The following ARHGAP11A variants were observed in gnomAD, a reference collection of about 807,000 sequenced individuals.
ARHGAP11A encodes Rho GTPase activating protein 11A, also known as rho GTPase-activating protein 11A.
Under a neutral mutation model 60.5 loss-of-function variants are expected in ARHGAP11A, and 36 were observed. The ratio of observed to expected loss-of-function variants is 0.59; its 90% confidence interval spans 0.46 to 0.79. ARHGAP11A has a LOEUF of 0.79. Among genes scored for constraint, ARHGAP11A ranks in the 30% least tolerant of loss-of-function variants. The pLI, the probability that ARHGAP11A is intolerant of heterozygous loss-of-function variation, is 0.00. For synonymous variants in ARHGAP11A, 362 were observed against 415.5 expected (o/e 0.87, Z 1.57); for missense variants, 1,071 against 1,199.2 (o/e 0.89, Z 1.58).
At chr15:32,620,267 T>C (rs2053263634) in intron 2 of ARHGAP11A, 89 bp downstream of exon 2, 1 of 1,608,282 alleles carries the variant, frequency 6.2e-7, no homozygotes, top group African/African-American at 1.3e-5. Context: ...GGCAAATCAC[T>C]TGAGTCCAGG....
chr15:32,634,421 G>A (rs1055892994), intron 10 of ARHGAP11A, among the ~76,000 whole-genome samples: 1 of 152,200 alleles, frequency 6.6e-6, no homozygotes, highest in African/African-American at 2.4e-5. Context: ...ATGCTCCAGT[G>A]AGCATTTTCT....
At position 32,637,391 on chromosome 15, in the gene ARHGAP11A, CA is replaced by C; in HGVS notation, c.2619del (p.Val874Ter). The C allele has an allele frequency of 6.2e-7, 1 of 1,614,142 alleles. No individual in the cohort carries two copies. The highest frequency in any genetic ancestry group is 2.2e-5 in the East Asian group (1 of 44,884). ...GATACAGCTTCTCCTTTGGTCAAATCAGTGAGCTGTGACGGTGCTCTTTCCT... is the reference window on the plus strand; with the variant it reads ...GATACAGCTTCTCCTTTGGTCAAATCGTGAGCTGTGACGGTGCTCTTTCCT... ...LGDTASPLVKSVSCDGALSSC... is the reference protein window; with the variant it reads ...LGDTASPLVKXVSCDGALSSC... On this transcript the variant is annotated frameshift_variant, in exon 12 of 12. Transcript: ENST00000361627. LOFTEE classifies it low-confidence loss of function (END_TRUNC).
chr15:32,618,731 C>T (rs200493875), intron 1 of ARHGAP11A, among the ~76,000 whole-genome samples: 1 of 150,746 alleles, frequency 6.6e-6, no homozygotes. Flanking sequence ...GTCAGGAGAT[C>T]GAGACCATCC....
chr15:32,633,027 C>A lies in ARHGAP11A; in HGVS notation c.1154C>A (p.Pro385His). Residue 385 changes from proline to histidine, a missense_variant, in exon 9 of 12, where the codon CCT (proline) becomes CAT (histidine). Coordinates refer to ENST00000361627, the MANE Select transcript of ARHGAP11A (RefSeq NM_014783.6). Reference sequence around the variant, plus strand: ...GGGTCATCTCAGAGTTCACTCTCTCCTGTACTCATTGGTGGAAACCATTTG... The same window carrying A: ...GGGTCATCTCAGAGTTCACTCTCTCATGTACTCATTGGTGGAAACCATTTG... ...SEGSSQSSLS[P>H]VLIGGNHLIT... The A allele has an allele frequency of 1.2e-6, 2 of 1,614,018 alleles. No individual in the cohort carries two copies. The highest frequency in any genetic ancestry group is 1.7e-6 in the Non-Finnish European group (2 of 1,179,900).
Position 32,629,748 on chromosome 15 carries a change from C to T in ARHGAP11A, c.1091C>T (p.Ser364Phe). The T allele has an allele frequency of 6.2e-7, 1 of 1,607,938 alleles. No individual in the cohort carries two copies. The highest frequency in any genetic ancestry group is 1.3e-5 in the African/African-American group (1 of 74,692). ...CCAAGTAATCTCTTCAATAGCAGTT[C>T]TACACCGGTATCAGGTAGCAAATAG... is the stretch of plus-strand genomic sequence containing the variant. ...LLPSNLFNSS[S>F]TPVSVHIDTS... Residue 364 changes from serine to phenylalanine, a missense_variant, in exon 8 of 12, where the codon TCT (serine) becomes TTT (phenylalanine). Physicochemically the swap from Ser to Phe is radical, Grantham distance 155. Transcript: ENST00000361627.
At chr15:32,622,899 G>A (rs954806716) in intron 2 of ARHGAP11A, among the ~76,000 whole-genome samples, 29 of 152,174 alleles carry the variant, frequency 1.9e-4, no homozygotes, top group African/African-American at 6.3e-4. Flanking sequence ...CAGAGCCCTG[G>A]GTTGTTCCAG....
At chr15:32,626,025 A>C (rs1477778587) in intron 6 of ARHGAP11A, among the ~76,000 whole-genome samples, 3 of 152,026 alleles carry the variant, frequency 2.0e-5, no homozygotes, top group African/African-American at 7.3e-5. Context: ...ACCTATGTCT[A>C]ATGTAGATAG....
intron 10 of ARHGAP11A, 37 bp downstream of exon 10, chr15:32,634,078 C>T: frequency 7.2e-7 from 1 of 1,397,400 alleles, no homozygotes; most frequent in Non-Finnish European, 9.9e-7. Context: ...TTTATATTAG[C>T]ATAACGCTAT....
chr15:32,627,850 C>A (rs1172643982), intron 6 of ARHGAP11A, among the ~76,000 whole-genome samples: 1 of 145,154 alleles, frequency 6.9e-6, no homozygotes, highest in Non-Finnish European at 1.5e-5. Flanking sequence ...GTCTTTGTCA[C>A]CCAGGCTGGG....
At chr15:32,632,196 GT>G (rs2053601657) in intron 8 of ARHGAP11A, among the ~76,000 whole-genome samples, 1 of 152,202 alleles carries the variant, frequency 6.6e-6, no homozygotes, top group Admixed American at 6.5e-5. Context: ...GAGGGTTCAT[GT>G]TTGTTGAATG....
At chr15:32,635,255 G>A (rs981094591) in intron 10 of ARHGAP11A, among the ~76,000 whole-genome samples, 1 of 152,064 alleles carries the variant, frequency 6.6e-6, no homozygotes, top group African/African-American at 2.4e-5. Flanking sequence ...CCTTTGTTTT[G>A]TTTTACTCAC....
At chr15:32,633,842 T>G in intron 9 of ARHGAP11A, 91 bp from the exon 10 acceptor site, 1 of 730,138 alleles carries the variant, frequency 1.4e-6, no homozygotes, top group Non-Finnish European at 2.3e-6. Context: ...ATCAATATGA[T>G]TTGCTGTGGA....
intron 8 of ARHGAP11A, among the ~76,000 whole-genome samples, chr15:32,632,444 C>A (rs1004079213): frequency 9.2e-5 from 14 of 152,276 alleles, no homozygotes; most frequent in Admixed American, 5.9e-4. Flanking sequence ...AATTACATTC[C>A]GGAGTCAGGT....
chr15:32,623,374 G>A (rs1292613173), intron 2 of ARHGAP11A, 118 bp from the exon 3 acceptor site: 1 of 842,930 alleles, frequency 1.2e-6, no homozygotes, highest in Non-Finnish European at 1.8e-6. Flanking sequence ...AAAGACTACA[G>A]AGATTTGTGG....
In ARHGAP11A at chr15:32,639,069, T is replaced by C. The variant is rs1373218147; in HGVS notation, c.*1224T>C. 6.6e-6 allele frequency: 1 copy of C among 152,644 alleles called. No individual in the cohort carries two copies. The highest frequency in any genetic ancestry group is 1.5e-5 in the Non-Finnish European group (1 of 68,040). The allele number at this position is 152,644 out of a possible 1,614,324, so 9.5% of individuals were successfully genotyped here. A position where few individuals can be genotyped will look rare whatever the true frequency, so the allele number is the denominator to read the frequency against. On this transcript the variant is annotated 3_prime_UTR_variant, in exon 12 of 12. Coordinates refer to ENST00000361627, the MANE Select transcript of ARHGAP11A (RefSeq NM_014783.6). ...GACTTGACTAAGGCTCTCATGAAAT[T>C]CAAAGTGCCATTTAGAACATGCACC... is the stretch of plus-strand genomic sequence containing the variant.
chr15:32,622,399 C>T (rs146463198), intron 2 of ARHGAP11A, among the ~76,000 whole-genome samples: 6 of 151,942 alleles, frequency 3.9e-5, no homozygotes, highest in African/African-American at 1.2e-4. Flanking sequence ...GGTGACAGAG[C>T]GAGACCCTGT....
rs1343904699 is a variant in ARHGAP11A at position 32,636,804 on chromosome 15, T to G, written c.2031T>G (p.Leu677=). 6.2e-7 allele frequency: 1 copy of G among 1,609,316 alleles called. No individual in the cohort carries two copies. Among genetic ancestry groups the G allele is most frequent in the African/African-American group, 1.3e-5 (1 of 74,654 alleles). ...TTTCAGAGAGGGACTTTTCACCCCT[T>G]CAAACTCAAACATTTAATAGAGAAA... is the stretch of plus-strand genomic sequence containing the variant. ...KCFSERDFSP[L]QTQTFNRETT... The change falls in exon 12 of 12, where the codon CTT becomes CTG. Residue 677 remains leucine (L), a synonymous_variant. Transcript: ENST00000361627.
At chr15:32,633,140 G>A in intron 9 of ARHGAP11A, 32 bp downstream of exon 9, 1 of 1,611,534 alleles carries the variant, frequency 6.2e-7, no homozygotes, top group East Asian at 2.2e-5. Flanking sequence ...GTTTTCATCG[G>A]ATAAATATTT....
intron 9 of ARHGAP11A, 109 bp from the exon 10 acceptor site, chr15:32,633,824 C>A: frequency 1.5e-6 from 1 of 649,884 alleles, no homozygotes. Context: ...TTAATCCATC[C>A]AATTATTATC....
Sources: gnomAD v4.1 joint callset for allele counts (sites outside exome capture counted in the v4.1 genomes callset) on GRCh38, gnomAD v4.1.1 for gene constraint, MANE v1.5 for transcripts, NCBI Gene and HGNC (gene_info 2026-07-23, HGNC 2026-07-21) for gene names.